The following OIT3 variants were observed in gnomAD, a reference collection of about 807,000 sequenced individuals.
OIT3 encodes oncoprotein induced transcript 3.
In OIT3, 41 loss-of-function variants were observed where a neutral mutation model predicts 52.2. The observed-to-expected ratio is 0.79, with a 90% confidence interval of 0.61 to 1.02. The LOEUF (loss-of-function observed/expected upper bound fraction) is 1.02, where lower values mean the gene tolerates loss of function less well. OIT3 is among the 50% of genes least tolerant of loss of function. OIT3 has a pLI of 0.00. For missense variants in OIT3, 634 were observed against 715.5 expected, an observed-to-expected ratio of 0.89 and a Z score of 1.30; for synonymous variants, 244 against 276.9, an observed-to-expected ratio of 0.88 and a Z score of 1.18.
chr10:72,923,630 G>T (rs1442582553), intron 6 of OIT3, among the ~76,000 whole-genome samples: 1 of 152,192 alleles, frequency 6.6e-6, no homozygotes, highest in Non-Finnish European at 1.5e-5. Context: ...CCATCCCAGT[G>T]GGGTACAGAC....
At chr10:72,918,026 G>T in intron 6 of OIT3, 2 of 818,302 alleles carry the variant, frequency 2.4e-6, no homozygotes, top group Non-Finnish European at 4.2e-6. Flanking sequence ...CTTCTTCATC[G>T]TCATCATCAT....
chr10:72,931,057 A>C (rs1210026486), intron 8 of OIT3, among the ~76,000 whole-genome samples: 1 of 152,156 alleles, frequency 6.6e-6, no homozygotes, highest in East Asian at 1.9e-4. Context: ...ATTATAAGAC[A>C]CCATTTTATA....
intron 3 of OIT3, among the ~76,000 whole-genome samples, chr10:72,902,006 T>C (rs1845938853): frequency 6.6e-6 from 1 of 152,054 alleles, no homozygotes; most frequent in Non-Finnish European, 1.5e-5. Flanking sequence ...GTCACTGCAC[T>C]CCAGCCAGGG....
chr10:72,898,805 A>T lies in OIT3; in HGVS notation c.203A>T (p.Asp68Val). 6.2e-7 allele frequency: 1 copy of T among 1,613,978 alleles called. No homozygotes were observed. Among genetic ancestry groups the T allele is most frequent in the Middle Eastern group, 1.6e-4 (1 of 6,062 alleles). Residue 68 changes from aspartate (D) to valine (V), a missense_variant, in exon 2 of 9, where the codon GAT becomes GTT. Physicochemically the swap from Asp to Val is radical, Grantham distance 152 (BLOSUM62 -3). Transcript: ENST00000334011. ...TACCACTTCACGGGCATGGCGGGAGATGCCATGCCTACCTTCTGCATACCA... is the reference window on the plus strand; with the variant it reads ...TACCACTTCACGGGCATGGCGGGAGTTGCCATGCCTACCTTCTGCATACCA... The part of the protein sequence containing the change: ...EWYHFTGMAG[D>V]AMPTFCIPEN...
At position 72,930,570 on chromosome 10, in the gene OIT3, C is replaced by T. The variant is rs373006939; in HGVS notation, c.1400C>T (p.Thr467Ile). Reference sequence around the variant, plus strand: ...TCAGATGACTCGGTAAAGCAGTACACATCCCGGGATCACCTAGCAAAGCAC... The same window carrying T: ...TCAGATGACTCGGTAAAGCAGTACATATCCCGGGATCACCTAGCAAAGCAC... ...CVSDDSVKQYTSRDHLAKHFQ... is the reference protein window; with the variant it reads ...CVSDDSVKQYISRDHLAKHFQ... Residue 467 changes from threonine (T) to isoleucine (I), a missense_variant, in exon 8 of 9, where the codon ACA becomes ATA. Physicochemically the swap from Thr to Ile is moderately conservative, Grantham distance 89. Coordinates refer to ENST00000334011, the MANE Select transcript of OIT3 (RefSeq NM_152635.3). 1.4e-5 allele frequency: 22 copies of T among 1,613,524 alleles called. No homozygotes were observed. The highest frequency in any genetic ancestry group is 2.2e-5 in the East Asian group (1 of 44,874).
chr10:72,919,712 G>T (rs1283101408), intron 6 of OIT3, among the ~76,000 whole-genome samples: 3 of 152,064 alleles, frequency 2.0e-5, no homozygotes, highest in Admixed American at 6.6e-5. Flanking sequence ...TAATCATATG[G>T]TTTTTGCCTT....
chr10:72,901,094 T>C (rs1845931002), intron 3 of OIT3, among the ~76,000 whole-genome samples: 1 of 152,116 alleles, frequency 6.6e-6, no homozygotes, highest in Non-Finnish European at 1.5e-5. Context: ...ATCTTTAATA[T>C]TGGTTATATA....
At chr10:72,900,294 A>G (rs1316171871) in intron 2 of OIT3, 83 bp from the exon 3 acceptor site, 30 of 421,022 alleles carry the variant, frequency 7.1e-5, no homozygotes, top group East Asian at 1.7e-4. Context: ...ACCCCCCCCG[A>G]CCCCCCGCAC....
chr10:72,928,669 G>A (rs1277079202), intron 7 of OIT3, among the ~76,000 whole-genome samples: 1 of 152,112 alleles, frequency 6.6e-6, no homozygotes, highest in Admixed American at 6.6e-5. Flanking sequence ...GTCTTGCATA[G>A]ATTAGGTATG....
chr10:72,928,476 T>G (rs961771001), intron 7 of OIT3, among the ~76,000 whole-genome samples: 1 of 152,208 alleles, frequency 6.6e-6, no homozygotes, highest in Non-Finnish European at 1.5e-5. Flanking sequence ...CTTCATTTTT[T>G]CTTTTAAAGA....
At position 72,924,523 on chromosome 10, in the gene OIT3, C is replaced by T. The variant is rs1341358484; in HGVS notation, c.1246C>T (p.Leu416Phe). 1.2e-6 allele frequency: 2 copies of T among 1,614,072 alleles called. No homozygotes were observed. The highest frequency in any genetic ancestry group is 2.2e-5 in the East Asian group (1 of 44,880). Residue 416 changes from leucine (L) to phenylalanine (F), a missense_variant, in exon 7 of 9, where the codon CTC (leucine) becomes TTC (phenylalanine). Transcript: ENST00000334011. ...GCCCACCCTCAAGCTTCGTGACTCC[C>T]TCTACTTTGGCATTGAGCCCGTGGT... Reference protein sequence around the residue: ...ALPTLKLRDSLYFGIEPVVHV... With the variant: ...ALPTLKLRDSFYFGIEPVVHV...
chr10:72,910,884 C>G (rs1167439845), intron 4 of OIT3, among the ~76,000 whole-genome samples: 1 of 152,174 alleles, frequency 6.6e-6, no homozygotes, highest in Non-Finnish European at 1.5e-5. Flanking sequence ...AATGAATGCA[C>G]ATGGCTATGT....
In OIT3 at chr10:72,906,654, A is replaced by G; in HGVS notation, c.603A>G (p.Lys201=). 1 of 1,613,214 alleles carries G rather than the reference A, an allele frequency of 6.2e-7. No homozygotes were observed. Among genetic ancestry groups the G allele is most frequent in the Non-Finnish European group, 8.5e-7 (1 of 1,179,560 alleles). Reference sequence around the variant, plus strand: ...GCAGTGAGATCTGTGTGAACCTCAAAAACTCCTACCGCTGTGAGTGTGGGG... The same window carrying G: ...GCAGTGAGATCTGTGTGAACCTCAAGAACTCCTACCGCTGTGAGTGTGGGG... ...GGCSEICVNL[K]NSYRCECGVG... is the part of the protein sequence containing the mutation. Residue 201 remains lysine, a synonymous_variant, in exon 4 of 9, where the codon AAA becomes AAG. Transcript: ENST00000334011.
intron 3 of OIT3, among the ~76,000 whole-genome samples, chr10:72,906,281 G>T (rs1467647799): frequency 1.3e-5 from 2 of 152,144 alleles, no homozygotes; most frequent in Non-Finnish European, 2.9e-5. Context: ...ACTCATTAAA[G>T]AAAGTGAAAT....
intron 4 of OIT3, among the ~76,000 whole-genome samples, chr10:72,910,735 T>C (rs946498129): frequency 2.0e-5 from 3 of 152,194 alleles, no homozygotes; most frequent in Non-Finnish European, 4.4e-5. Context: ...ATCCCCTTTC[T>C]TTACTTTAAC....
chr10:72,914,846 CAAG>C (rs1432726174), intron 6 of OIT3, among the ~76,000 whole-genome samples: 1 of 151,980 alleles, frequency 6.6e-6, no homozygotes, highest in African/African-American at 2.4e-5. Flanking sequence ...TGGGTCTGCC[CAAG>C]AAGTAGTGTG....
At chr10:72,922,077 G>A (rs1421164133) in intron 6 of OIT3, among the ~76,000 whole-genome samples, 1 of 152,176 alleles carries the variant, frequency 6.6e-6, no homozygotes, top group Admixed American at 6.5e-5. Flanking sequence ...GGCTTCCCTT[G>A]TAGGTGACTT....
At chr10:72,925,744 C>T (rs1564596541) in intron 7 of OIT3, among the ~76,000 whole-genome samples, 1 of 152,064 alleles carries the variant, frequency 6.6e-6, no homozygotes, top group Non-Finnish European at 1.5e-5. Flanking sequence ...CCCAAGTAGC[C>T]AGGACCATAT....
Position 72,932,528 on chromosome 10 carries a change from G to A in OIT3, c.*4G>A, listed in dbSNP as rs200062550. Reference sequence around the variant, plus strand: ...CCGCATCGACTGGGAGGACTAGTTCGTAGCCATACCTCGAGTCCCTGCATT... The same window carrying A: ...CCGCATCGACTGGGAGGACTAGTTCATAGCCATACCTCGAGTCCCTGCATT... On this transcript the variant is annotated 3_prime_UTR_variant, in exon 9 of 9. Coordinates refer to ENST00000334011, the MANE Select transcript of OIT3 (RefSeq NM_152635.3). 322 of 1,592,564 alleles carry A rather than the reference G, an allele frequency of 2.0e-4. No homozygotes were observed. In the African/African-American group the frequency reaches 3.7e-3, roughly 18 times the overall value.
Sources: gnomAD v4.1 joint callset for allele counts (sites outside exome capture counted in the v4.1 genomes callset) on GRCh38, gnomAD v4.1.1 for gene constraint, MANE v1.5 for transcripts, NCBI Gene and HGNC (gene_info 2026-07-23, HGNC 2026-07-21) for gene names.